The following SLAMF1 variants were observed in gnomAD, a reference collection of about 807,000 sequenced individuals.
SLAMF1 encodes the protein signaling lymphocytic activation molecule family member 1.
In SLAMF1, 18 loss-of-function variants were observed where a neutral mutation model predicts 35.1. That is an observed-to-expected ratio of 0.51 (90% CI 0.35 to 0.76). SLAMF1 has a LOEUF of 0.76. SLAMF1 is among the 30% of genes least tolerant of loss of function. The pLI is 0.01. For synonymous variants in SLAMF1, 168 were observed against 157.2 expected (o/e 1.07, Z -0.51); for missense variants, 392 against 413.0 (o/e 0.95, Z 0.44).
At chr1:160,612,644 C>A in intron 5 of SLAMF1, 64 bp from the exon 6 acceptor site, 1 of 977,502 alleles carries the variant, frequency 1.0e-6, no homozygotes, top group South Asian at 1.4e-5. Context: ...CCCAACTCTC[C>A]GATAGAGAAG....
intron 3 of SLAMF1, among the ~76,000 whole-genome samples, chr1:160,629,318 T>C (rs1660048454): frequency 6.6e-6 from 1 of 151,812 alleles, no homozygotes; most frequent in South Asian, 2.1e-4. Context: ...TCTCTCTCTC[T>C]CTCTTCTCAA....
At chr1:160,616,316 C>T (rs987080599) in intron 5 of SLAMF1, among the ~76,000 whole-genome samples, 1 of 151,696 alleles carries the variant, frequency 6.6e-6, no homozygotes, top group Admixed American at 6.6e-5. Context: ...AATATTTCTA[C>T]CTCAACTTGT....
In SLAMF1 at chr1:160,609,664, C is replaced by A. The variant is rs1290453130; in HGVS notation, c.*1084G>T. 6.6e-6 allele frequency: 1 copy of A among 152,170 alleles called. No homozygotes were observed. The highest frequency in any genetic ancestry group is 2.4e-5 in the African/African-American group (1 of 41,434). 9.4% of individuals were successfully genotyped at this position (152,170 alleles called of 1,614,324 possible). ...ACTTTACTTAAAAAGTCTCTTTCTG[C>A]CTGCAGCTTGCAAAATAAGTTATTG... On this transcript the variant is annotated 3_prime_UTR_variant, in exon 7 of 7. Transcript: ENST00000302035.
At chr1:160,624,048 C>T in intron 4 of SLAMF1, 48 bp downstream of exon 4, 1 of 1,365,462 alleles carries the variant, frequency 7.3e-7, no homozygotes. Flanking sequence ...AGGTCCCCTG[C>T]TTACCACAGA....
intron 3 of SLAMF1, among the ~76,000 whole-genome samples, chr1:160,627,323 T>C (rs1198547982): frequency 2.0e-5 from 3 of 152,222 alleles, no homozygotes; most frequent in African/African-American, 4.8e-5. Flanking sequence ...CTCCAAATAG[T>C]TGCTAGGTTC....
intron 5 of SLAMF1, among the ~76,000 whole-genome samples, chr1:160,617,540 A>G (rs977288039): frequency 6.6e-6 from 1 of 152,238 alleles, no homozygotes; most frequent in Non-Finnish European, 1.5e-5. Flanking sequence ...TGAATCTCAT[A>G]AAGATAATAC....
chr1:160,642,428 T>C lies in SLAMF1; in HGVS notation c.76+4442A>G, dbSNP rs1660798375. Among the ~76,000 whole-genome samples, 2 of 152,190 alleles carry C rather than the reference T, an allele frequency of 1.3e-5. No individual in the cohort carries two copies. Among genetic ancestry groups the C allele is most frequent in the Non-Finnish European group, 2.9e-5 (2 of 68,044 alleles). On this transcript the variant is annotated intron_variant, in intron 1 of 6. Coordinates refer to ENST00000302035, the MANE Select transcript of SLAMF1 (RefSeq NM_003037.5). The surrounding 1 kb of genome is among the most constrained non-coding windows in gnomAD (Gnocchi z 4.2). ...CCTGTCACAGACTTCCAATGGACAA[T>C]GAACGCACTCCTTCATATCATTCAT...
rs56785818 is a variant in SLAMF1 at position 160,640,325 on chromosome 1, CATATATAT to C, written c.77-2804_77-2797del. 8.0e-3 allele frequency among the ~76,000 whole-genome samples: 752 copies of C among 94,118 alleles called. 14 individuals are homozygous for C. The highest frequency in any genetic ancestry group is 0.037 in the Admixed American group (320 of 8,630). The allele number at this position is 94,118 out of a possible 152,430, so 61.7% of individuals were successfully genotyped here. Reference sequence around the variant, plus strand: ...CTCTTATTTAGGTTATTAGGTTTGTCATATATATATATATATATATATATATATATATA... The same window carrying C: ...CTCTTATTTAGGTTATTAGGTTTGTCATATATATATATATATATATATATA... On this transcript the variant is annotated intron_variant, in intron 1 of 6. Coordinates refer to ENST00000302035, the MANE Select transcript of SLAMF1 (RefSeq NM_003037.5).
intron 3 of SLAMF1, among the ~76,000 whole-genome samples, chr1:160,631,616 G>A (rs563457150): frequency 1.3e-5 from 2 of 152,232 alleles, no homozygotes; most frequent in South Asian, 2.1e-4. Context: ...CCTAACTGGT[G>A]TCCTTATAAG....
chr1:160,613,440 G>C (rs1423809456), intron 5 of SLAMF1, among the ~76,000 whole-genome samples: 1 of 152,156 alleles, frequency 6.6e-6, no homozygotes, highest in Admixed American at 6.5e-5. Flanking sequence ...ATGTTACTTT[G>C]AACGAATTAA....
chr1:160,626,183 C>A (rs959918565), intron 3 of SLAMF1, among the ~76,000 whole-genome samples: 4 of 151,876 alleles, frequency 2.6e-5, no homozygotes, highest in Non-Finnish European at 5.9e-5. Context: ...AAAATAAAAC[C>A]AACAGACAAA....
rs1660529293 is a variant in SLAMF1, at chr1:160,637,664, G to A, written c.77-135C>T. ...TCCCTGGGGTTGCCAAGTCCTTCGT[G>A]GTCTATAAGAACTGCCTTGAGGATC... is the stretch of plus-strand genomic sequence containing the variant. On this transcript the variant is annotated intron_variant, in intron 1 of 6. Coordinates refer to ENST00000302035, the MANE Select transcript of SLAMF1 (RefSeq NM_003037.5). 3 of 628,974 alleles carry A rather than the reference G, an allele frequency of 4.8e-6. No homozygotes were observed. The South Asian group carries it at 5.9e-5, about 12-fold the overall frequency. 39.0% of individuals were successfully genotyped at this position (628,974 alleles called of 1,614,324 possible). A position where few individuals can be genotyped will look rare whatever the true frequency, so the allele number is the denominator to read the frequency against.
rs59676823 is a variant in SLAMF1 at position 160,621,855 on chromosome 1, CGTGTGTGT to C, written c.791-2014_791-2007del. 1.4e-3 allele frequency among the ~76,000 whole-genome samples: 205 copies of C among 145,300 alleles called. 4 individuals are homozygous for C. In the East Asian group the frequency reaches 0.028, roughly 20 times the overall value. ...CCTGACTGAGGAGTGTGCGTGAGTG[CGTGTGTGT>C]GTGTGTGTGTGTGTGTGTGTGTGTA... is the stretch of plus-strand genomic sequence containing the variant. On this transcript the variant is annotated intron_variant, in intron 4 of 6. Transcript: ENST00000302035.
At position 160,634,815 on chromosome 1, in the gene SLAMF1, C is replaced by T. The variant is rs1660347889; in HGVS notation, c.498G>A (p.Val166=). The T allele has an allele frequency of 6.2e-7, 1 of 1,614,158 alleles. No homozygotes were observed. The highest frequency in any genetic ancestry group is 1.3e-5 in the African/African-American group (1 of 75,024). ...GTCTLILGCT[V]EKGDHVAYSW... ...TGTAAGCCACATGGTCCCCCTTCTCCACTGTGCAGCCCAGTATCAAGGTGC... is the reference window on the plus strand; with the variant it reads ...TGTAAGCCACATGGTCCCCCTTCTCTACTGTGCAGCCCAGTATCAAGGTGC... Residue 166 remains valine (V), a synonymous_variant, in exon 3 of 7, where the codon GTG becomes GTA. Transcript: ENST00000302035.
At chr1:160,619,706 G>A (rs1659502163) in intron 5 of SLAMF1, 70 bp downstream of exon 5, 2 of 993,418 alleles carry the variant, frequency 2.0e-6, no homozygotes, top group African/African-American at 1.6e-5. Flanking sequence ...TGTCCAACAG[G>A]CAAGGTAGAC....
intron 4 of SLAMF1, among the ~76,000 whole-genome samples, chr1:160,623,796 C>T (rs537104184): frequency 2.0e-4 from 30 of 152,192 alleles, no homozygotes; most frequent in Non-Finnish European, 3.8e-4. Context: ...ACTTCTTCAG[C>T]ATCCTGTGTT....
rs1299123497 is a variant in SLAMF1, at chr1:160,612,498, T to C, written c.947A>G (p.Glu316Gly). 10 of 1,608,540 alleles carry C rather than the reference T, an allele frequency of 6.2e-6. No homozygotes were observed. In the East Asian group the frequency reaches 8.9e-5, roughly 14 times the overall value. ...IYVAATEPVP[E>G]SVQETNSITV... ...AGAGAGATGCCTCACCTGGACAGACTCTGGGACAGGCTCTGTGGCAGCAAC... is the reference window on the plus strand; with the variant it reads ...AGAGAGATGCCTCACCTGGACAGACCCTGGGACAGGCTCTGTGGCAGCAAC... The change falls in exon 6 of 7, where the codon GAG becomes GGG. Residue 316 changes from glutamate (E) to glycine (G), a missense_variant. Coordinates refer to ENST00000302035, the MANE Select transcript of SLAMF1 (RefSeq NM_003037.5).
intron 4 of SLAMF1, among the ~76,000 whole-genome samples, chr1:160,621,889 A>C (rs1263180852): frequency 3.1e-5 from 3 of 97,936 alleles, no homozygotes; most frequent in African/African-American, 1.4e-4. Flanking sequence ...TGTGTGTGTA[A>C]AATGGAGGGG....
intron 3 of SLAMF1, chr1:160,634,271 T>A (rs1660310216): frequency 4.0e-6 from 1 of 247,176 alleles, no homozygotes; most frequent in African/African-American, 2.3e-5. Flanking sequence ...GAGCATAGAC[T>A]TGGGAGCCAG....
Sources: gnomAD v4.1 joint callset for allele counts (sites outside exome capture counted in the v4.1 genomes callset) on GRCh38, gnomAD v4.1.1 for gene constraint, Gnocchi (gnomAD v3.1) non-coding constraint, MANE v1.5 for transcripts, NCBI Gene and HGNC (gene_info 2026-07-23, HGNC 2026-07-21) for gene names.